The following NAA25 variants were observed in gnomAD, a reference collection of about 807,000 sequenced individuals.
NAA25 encodes the protein N-terminal acetyltransferase B complex subunit NAA25.
NAA25 carries 30 observed loss-of-function variants against 132.5 expected under a neutral mutation model. The observed-to-expected ratio is 0.23, with a 90% confidence interval of 0.17 to 0.31. NAA25 has a LOEUF of 0.31. Among genes scored for constraint, NAA25 ranks in the 10% least tolerant of loss-of-function variants. The pLI is 1.00. For synonymous variants in NAA25, 359 were observed against 401.9 expected (o/e 0.89, Z 1.28); for missense variants, 771 against 1,150.4 (o/e 0.67, Z 4.77).
chr12:112,038,292 G>A (rs914926185), intron 22 of NAA25, among the ~76,000 whole-genome samples: 4 of 152,106 alleles, frequency 2.6e-5, no homozygotes, highest in African/African-American at 9.7e-5. Context: ...GGGATTACAG[G>A]TGTGAGCCAC....
chr12:112,088,317 GT>G (rs1025838850), intron 3 of NAA25, among the ~76,000 whole-genome samples: 3,798 of 75,510 alleles, frequency 0.05, 66 homozygotes, highest in East Asian at 0.4. Flanking sequence ...GTATATTGTA[GT>G]TTTTTTTTTT....
At chr12:112,095,834 G>A (rs1451773454) in intron 1 of NAA25, among the ~76,000 whole-genome samples, 1 of 152,122 alleles carries the variant, frequency 6.6e-6, no homozygotes, top group Non-Finnish European at 1.5e-5. Context: ...TGGAGGTTGG[G>A]ATGGATAGGT....
rs569754906 is a variant in NAA25, at chr12:112,033,459, G to A, written c.2650-80C>T. ...TACATCACAAAAGCTACTGAAAGATGTGAGGGAATTTAAATAGTGGCATTT... is the reference window on the plus strand; with the variant it reads ...TACATCACAAAAGCTACTGAAAGATATGAGGGAATTTAAATAGTGGCATTT... On this transcript the variant is annotated intron_variant, in intron 22 of 23. Transcript: ENST00000261745. 2.8e-5 allele frequency: 37 copies of A among 1,332,414 alleles called. No individual in the cohort carries two copies. In the African/African-American group the frequency reaches 5.5e-4, roughly 20 times the overall value. 82.5% of individuals were successfully genotyped at this position (1,332,414 alleles called of 1,614,324 possible).
chr12:112,063,605 T>C lies in NAA25; in HGVS notation c.1150-2217A>G, dbSNP rs1398870568. ...GCATTTTGGAATGGAAAGCATTTCT[T>C]ACATTGGTGAAGAGAAGGGTAGAGA... On this transcript the variant is annotated intron_variant, in intron 11 of 23. Transcript: ENST00000261745. Among the ~76,000 whole-genome samples, 3 of 152,354 alleles carry C rather than the reference T, an allele frequency of 2.0e-5. No homozygotes were observed. In the East Asian group the frequency reaches 5.8e-4, roughly 29 times the overall value.
chr12:112,043,576 C>A (rs1203115375), intron 18 of NAA25, 49 bp downstream of exon 18: 3 of 1,600,198 alleles, frequency 1.9e-6, no homozygotes, highest in Middle Eastern at 1.7e-4. Flanking sequence ...ATAAAACAGT[C>A]ATAAATATAA....
At chr12:112,062,036 TG>T in intron 11 of NAA25, among the ~76,000 whole-genome samples, 1 of 152,350 alleles carries the variant, frequency 6.6e-6, no homozygotes, top group East Asian at 1.9e-4. Flanking sequence ...GTTCTAGTTA[TG>T]TATTTATTAA....
chr12:112,090,759 C>T lies in NAA25; in HGVS notation c.250G>A (p.Ala84Thr). The T allele has an allele frequency of 1.2e-6, 2 of 1,613,952 alleles. No individual in the cohort carries two copies. Among genetic ancestry groups the T allele is most frequent in the Non-Finnish European group, 1.7e-6 (2 of 1,179,940 alleles). The change falls in exon 3 of 24, where the codon GCA becomes ACA. Residue 84 changes from alanine to threonine, a missense_variant. This residue lies in a region of NAA25 where 417 missense variants were observed against 733.8 expected (regional missense o/e 0.57). Coordinates refer to ENST00000261745, the MANE Select transcript of NAA25 (RefSeq NM_024953.4). ...ATCTCCCGGTAAAGGATAGTCAGTGCCTGCAGTGAGTTGTCATCTGTGGGT... is the reference window on the plus strand; with the variant it reads ...ATCTCCCGGTAAAGGATAGTCAGTGTCTGCAGTGAGTTGTCATCTGTGGGT... ...LEPTDDNSLQ[A>T]LTILYREMHR...
intron 19 of NAA25, chr12:112,042,305 C>T: frequency 3.4e-6 from 1 of 294,024 alleles, no homozygotes. Context: ...GCACTAATTA[C>T]CTTTTTGCCA....
chr12:112,101,183 A>G (rs545547430), intron 1 of NAA25, among the ~76,000 whole-genome samples: 2 of 152,246 alleles, frequency 1.3e-5, no homozygotes, highest in South Asian at 4.1e-4. Flanking sequence ...ACCTGACCCC[A>G]ACAGTCCAAA....
At chr12:112,076,208 C>G (rs1425104869) in intron 7 of NAA25, among the ~76,000 whole-genome samples, 2 of 152,048 alleles carry the variant, frequency 1.3e-5, no homozygotes, top group Non-Finnish European at 2.9e-5. Context: ...CTTATTCACT[C>G]TCTTAGAAAA....
intron 11 of NAA25, among the ~76,000 whole-genome samples, chr12:112,063,145 C>G (rs1362408234): frequency 6.6e-6 from 1 of 151,646 alleles, no homozygotes. Flanking sequence ...GATACAAGAA[C>G]AGGTGGTTAA....
At chr12:112,082,815 C>T (rs569021765) in intron 4 of NAA25, among the ~76,000 whole-genome samples, 153 of 151,206 alleles carry the variant, frequency 1.0e-3, no homozygotes, top group Non-Finnish European at 1.8e-3. Flanking sequence ...GGTGTGGTAA[C>T]GATACATATA....
At chr12:112,061,882 A>G (rs1271614083) in intron 11 of NAA25, among the ~76,000 whole-genome samples, 1 of 152,214 alleles carries the variant, frequency 6.6e-6, no homozygotes, top group African/African-American at 2.4e-5. Context: ...AATTGAACTT[A>G]TAATTATAGA....
intron 4 of NAA25, among the ~76,000 whole-genome samples, chr12:112,086,095 CACACA>C (rs2079051340): frequency 7.9e-6 from 1 of 127,298 alleles, no homozygotes; most frequent in African/African-American, 3.1e-5. Context: ...CACACACACA[CACACA>C]CACCCATAAC....
intron 22 of NAA25, chr12:112,035,423 G>A (rs1381107789): frequency 6.6e-6 from 1 of 151,608 alleles, no homozygotes; most frequent in Non-Finnish European, 1.5e-5. Context: ...GCCTCCTTAA[G>A]TGCTGGGATT....
At chr12:112,056,911 T>C (rs531483122) in intron 13 of NAA25, among the ~76,000 whole-genome samples, 13 of 152,340 alleles carry the variant, frequency 8.5e-5, no homozygotes, top group African/African-American at 3.1e-4. Flanking sequence ...TTAAATCGGC[T>C]GGGTGTGGTG....
intron 1 of NAA25, among the ~76,000 whole-genome samples, chr12:112,107,720 T>C (rs181987900): frequency 2.0e-5 from 3 of 152,234 alleles, no homozygotes; most frequent in Non-Finnish European, 4.4e-5. Flanking sequence ...ATAAATACGA[T>C]GTCTACTTTT....
chr12:112,040,592 A>G lies in NAA25; in HGVS notation c.2441-14T>C, dbSNP rs1217732623. The G allele has an allele frequency of 6.9e-7, 1 of 1,440,988 alleles. No individual in the cohort carries two copies. The highest frequency in any genetic ancestry group is 9.6e-7 in the Non-Finnish European group (1 of 1,038,438). The allele number at this position is 1,440,988 out of a possible 1,614,324, so 89.3% of individuals were successfully genotyped here. A position where few individuals can be genotyped will look rare whatever the true frequency, so the allele number is the denominator to read the frequency against. ...TACTGAAGACATCTGAAAACAAAAA[A>G]CATTTTAGTTTTATTCAGCTTTTGT... On this transcript the variant is annotated splice_polypyrimidine_tract_variant and intron_variant, in intron 20 of 23. Transcript: ENST00000261745.
rs1304187781 is a variant in NAA25, at chr12:112,071,412, A to T, written c.1036+483T>A. Among the ~76,000 whole-genome samples, 5 of 152,068 alleles carry T rather than the reference A, an allele frequency of 3.3e-5. No individual in the cohort carries two copies. In the East Asian group the frequency reaches 9.7e-4, roughly 29 times the overall value. On this transcript the variant is annotated intron_variant, in intron 10 of 23. Coordinates refer to ENST00000261745, the MANE Select transcript of NAA25 (RefSeq NM_024953.4). ...GAAGGCACGATCTCAGATCACTATA[A>T]CCTCTGCCTCCTGGACTCAAGAGAC... is the stretch of plus-strand genomic sequence containing the variant.
Sources: allele counts gnomAD v4.1 joint callset (sites outside exome capture counted in the v4.1 genomes callset), GRCh38; gene constraint gnomAD v4.1.1; regional missense constraint gnomAD v4.1.1; transcripts MANE v1.5; gene names NCBI Gene and HGNC (gene_info 2026-07-23, HGNC 2026-07-21).